The following RAD17 variants were observed in gnomAD, a reference collection of about 807,000 sequenced individuals.
RAD17 encodes the protein cell cycle checkpoint protein RAD17.
RAD17 carries 31 observed loss-of-function variants against 81.5 expected under a neutral mutation model. That is an observed-to-expected ratio of 0.38 (90% CI 0.29 to 0.51). RAD17 has a LOEUF of 0.51. Ranked by LOEUF, RAD17 falls within the 20% of genes least tolerant of loss-of-function variation. The pLI is 0.88. For synonymous variants in RAD17, 261 were observed against 266.2 expected (o/e 0.98, Z 0.19); for missense variants, 681 against 781.2 (o/e 0.87, Z 1.53).
chr5:69,369,771 C>T, upstream of RAD17: 3 of 1,459,522 alleles, frequency 2.1e-6, no homozygotes, highest in South Asian at 1.2e-5. Flanking sequence ...TTCGGTGGTC[C>T]CCGCCCTTCG....
chr5:69,410,208 TA>T (rs1765880843), intron 17 of RAD17, among the ~76,000 whole-genome samples: 1 of 152,232 alleles, frequency 6.6e-6, no homozygotes, highest in Non-Finnish European at 1.5e-5. Context: ...ATTCCATTTT[TA>T]ATTTTTTGAG....
intron 12 of RAD17, among the ~76,000 whole-genome samples, chr5:69,390,658 T>C (rs530334585): frequency 2.0e-5 from 3 of 152,160 alleles, no homozygotes; most frequent in East Asian, 1.9e-4. Context: ...TTTCATTAAC[T>C]GTCTAATAAT....
chr5:69,381,075 T>G (rs1308964482), intron 6 of RAD17, among the ~76,000 whole-genome samples: 1 of 152,132 alleles, frequency 6.6e-6, no homozygotes, highest in Non-Finnish European at 1.5e-5. Context: ...TTCCCAAATA[T>G]GTGTCTTAAT....
chr5:69,376,762 C>CTTTTTTTTTTTTTTTTTTTT (rs78888225), intron 6 of RAD17, among the ~76,000 whole-genome samples: 1 of 148,758 alleles, frequency 6.7e-6, no homozygotes, highest in Non-Finnish European at 1.5e-5. Context: ...ATCCTTCTCT[C>CTTTTTTTTTTTTTTTTTTTT]TTTTTTTTTT....
chr5:69,370,349 T>G (rs1173584838), intron 1 of RAD17: 1 of 152,346 alleles, frequency 6.6e-6, no homozygotes, highest in Non-Finnish European at 1.5e-5. Flanking sequence ...CTGCACCTTT[T>G]TTTGTTTGTT....
chr5:69,404,936 T>C (rs1765497431), intron 17 of RAD17, among the ~76,000 whole-genome samples: 1 of 152,012 alleles, frequency 6.6e-6, no homozygotes, highest in African/African-American at 2.4e-5. Context: ...TGAGATGCTG[T>C]CTCAAAAGGC....
intron 18 of RAD17, among the ~76,000 whole-genome samples, chr5:69,410,996 TAC>T (rs200310068): frequency 3.0e-4 from 43 of 144,864 alleles, no homozygotes; most frequent in South Asian, 6.5e-4. Flanking sequence ...TATATATATA[TAC>T]TGTTCATTTT....
chr5:69,392,747 T>TA (rs770266010), intron 13 of RAD17: 39 of 437,286 alleles, frequency 8.9e-5, no homozygotes, highest in Non-Finnish European at 1.7e-4. Context: ...CTCCCCAACA[T>TA]ACGTTTATCG....
chr5:69,400,100 C>G lies in RAD17; in HGVS notation c.1624C>G (p.Pro542Ala). The G allele has an allele frequency of 3.1e-6, 5 of 1,604,042 alleles. No individual in the cohort carries two copies. Among genetic ancestry groups the G allele is most frequent in the Non-Finnish European group, 4.3e-6 (5 of 1,175,472 alleles). The change falls in exon 17 of 19, where the codon CCA (proline) becomes GCA (alanine). Residue 542 changes from proline to alanine, a missense_variant. Physicochemically the swap from Pro to Ala is conservative, Grantham distance 27. Transcript: ENST00000354868. The stretch of plus-strand genomic sequence containing the variant: ...AGCACTTTTTCCTGACTTCTGCCTA[C>G]CAGCTTTATGCCTCCAAACTCAGCT... ...AKALFPDFCL[P>A]ALCLQTQLLP...
chr5:69,389,762 T>G (rs1764431693), intron 12 of RAD17, among the ~76,000 whole-genome samples: 1 of 152,152 alleles, frequency 6.6e-6, no homozygotes, highest in Non-Finnish European at 1.5e-5. Flanking sequence ...TGCCTCAGCC[T>G]TCTGAGTAGC....
chr5:69,399,734 A>G (rs1475807404), intron 16 of RAD17, among the ~76,000 whole-genome samples: 1 of 152,170 alleles, frequency 6.6e-6, no homozygotes, highest in Non-Finnish European at 1.5e-5. Context: ...ATTTTCGTGT[A>G]ATTTATGATG....
chr5:69,369,706 C>G (rs1201768575), upstream of RAD17: 3 of 1,551,958 alleles, frequency 1.9e-6, no homozygotes, highest in South Asian at 2.4e-5. Flanking sequence ...GTGGGCATAA[C>G]TCGGGTCGGT....
upstream of RAD17, chr5:69,369,627 C>T (rs1762785083): frequency 6.4e-7 from 1 of 1,570,410 alleles, no homozygotes. Flanking sequence ...CTAGCCTGCC[C>T]CGGCGGCCCA....
Position 69,374,619 on chromosome 5 carries a change from T to C in RAD17, c.268-9T>C. ...AAGTTTTGTTTTAAATTTGAAATTT[T>C]TGTTGTAGCATGAACTTGCTGTGCA... is the stretch of plus-strand genomic sequence containing the variant. On this transcript the variant is annotated splice_polypyrimidine_tract_variant and intron_variant, in intron 5 of 18. Coordinates refer to ENST00000354868, the MANE Select transcript of RAD17 (RefSeq NM_133338.3). 6.3e-7 allele frequency: 1 copy of C among 1,596,484 alleles called. No homozygotes were observed. The highest frequency in any genetic ancestry group is 8.5e-7 in the Non-Finnish European group (1 of 1,174,288).
intron 11 of RAD17, among the ~76,000 whole-genome samples, chr5:69,387,692 AAT>A (rs1421678535): frequency 6.6e-6 from 1 of 152,130 alleles, no homozygotes; most frequent in Non-Finnish European, 1.5e-5. Context: ...CCCCATCTCT[AAT>A]AAAAATACAA....
intron 1 of RAD17, 175 bp from the exon 2 acceptor site, chr5:69,370,860 T>C (rs1372047194): frequency 4.3e-6 from 1 of 233,768 alleles, no homozygotes; most frequent in Non-Finnish European, 8.7e-6. Flanking sequence ...TATAAGTTTG[T>C]AGACCTTAAA....
chr5:69,369,651 G>A, upstream of RAD17: 1 of 1,561,202 alleles, frequency 6.4e-7, no homozygotes, highest in Non-Finnish European at 8.7e-7. Context: ...GCGGCCCACT[G>A]GTTACCTGGC....
intron 17 of RAD17, among the ~76,000 whole-genome samples, chr5:69,408,555 CCA>C (rs1672515635): frequency 2.1e-5 from 3 of 140,916 alleles, no homozygotes; most frequent in South Asian, 4.6e-4. Flanking sequence ...GCTCTGTCAC[CCA>C]GACTGGAGTG....
chr5:69,410,991 A>ATATATATATATATC (rs1390764054), intron 18 of RAD17, among the ~76,000 whole-genome samples: 1 of 144,538 alleles, frequency 6.9e-6, no homozygotes, highest in African/African-American at 2.5e-5. Flanking sequence ...ATATATATAT[A>ATATATATATATATC]TATATACTGT....
Sources: gnomAD v4.1 joint callset for allele counts (sites outside exome capture counted in the v4.1 genomes callset) on GRCh38, gnomAD v4.1.1 for gene constraint, MANE v1.5 for transcripts, NCBI Gene and HGNC (gene_info 2026-07-23, HGNC 2026-07-21) for gene names.